ARID4B: variants seen among roughly 807,000 people sequenced by gnomAD.
ARID4B encodes AT-rich interactive domain-containing protein 4B.
ARID4B carries 26 observed loss-of-function variants against 147.5 expected under a neutral mutation model. That is an observed-to-expected ratio of 0.18 (90% CI 0.13 to 0.24). The LOEUF is 0.24. Ranked by LOEUF, ARID4B falls within the 10% of genes least tolerant of loss-of-function variation. The pLI, the probability that ARID4B is intolerant of heterozygous loss-of-function variation, is 1.00. For synonymous variants in ARID4B, 512 were observed against 507.9 expected, an observed-to-expected ratio of 1.01 and a Z score of -0.11; for missense variants, 1,179 against 1,511.5, an observed-to-expected ratio of 0.78 and a Z score of 3.65.
At chr1:235,246,710 G>GAA (rs200543707) in intron 6 of ARID4B, among the ~76,000 whole-genome samples, 199 bp from the exon 7 acceptor site, 1 of 150,732 alleles carries the variant, frequency 6.6e-6, no homozygotes, top group Non-Finnish European at 1.5e-5. Flanking sequence ...CTCATTACTG[G>GAA]AAAAAAAAAG....
At chr1:235,255,951 A>G (rs1669957016) in intron 4 of ARID4B, among the ~76,000 whole-genome samples, 1 of 152,028 alleles carries the variant, frequency 6.6e-6, no homozygotes. Flanking sequence ...AGGCAGGTGG[A>G]TCACTTGAGG....
At chr1:235,234,554 C>A in intron 8 of ARID4B, 62 bp from the exon 9 acceptor site, 6 of 1,128,576 alleles carry the variant, frequency 5.3e-6, no homozygotes, top group Non-Finnish European at 7.7e-6. Flanking sequence ...TAAGTACCCA[C>A]CATTTAAATC....
At chr1:235,267,381 T>A (rs1328520129) in intron 2 of ARID4B, among the ~76,000 whole-genome samples, 1 of 152,184 alleles carries the variant, frequency 6.6e-6, no homozygotes, top group Non-Finnish European at 1.5e-5. Context: ...TATATAGCAA[T>A]CCCAATGAAC....
chr1:235,232,049 A>C (rs1211195314), intron 9 of ARID4B, among the ~76,000 whole-genome samples: 1 of 152,056 alleles, frequency 6.6e-6, no homozygotes, highest in African/African-American at 2.4e-5. Flanking sequence ...GAAAAAACCC[A>C]GGGCAGGGTT....
At chr1:235,254,117 A>G (rs1026983826) in intron 5 of ARID4B, among the ~76,000 whole-genome samples, 4 of 152,172 alleles carry the variant, frequency 2.6e-5, no homozygotes, top group African/African-American at 7.2e-5. Flanking sequence ...GACTTCCTAC[A>G]TAGAATTGCT....
At chr1:235,222,172 A>G (rs542658741) in intron 13 of ARID4B, among the ~76,000 whole-genome samples, 23 of 152,144 alleles carry the variant, frequency 1.5e-4, no homozygotes, top group African/African-American at 4.8e-4. Flanking sequence ...TTAGCCTCCC[A>G]AAGTGCTGAG....
At chr1:235,218,827 G>A (rs980947431) in intron 16 of ARID4B, among the ~76,000 whole-genome samples, 6 of 148,546 alleles carry the variant, frequency 4.0e-5, no homozygotes, top group African/African-American at 5.0e-5. Flanking sequence ...TTCCCTGTTC[G>A]TCTGCATACT....
chr1:235,208,892 T>C (rs936609393), intron 17 of ARID4B, among the ~76,000 whole-genome samples: 17 of 152,228 alleles, frequency 1.1e-4, no homozygotes, highest in African/African-American at 3.9e-4. Context: ...TAAAAAATAA[T>C]TTATGAGCAT....
chr1:235,221,526 AAAAT>A (rs750648487), intron 14 of ARID4B, 35 bp downstream of exon 14: 1 of 1,203,252 alleles, frequency 8.3e-7, no homozygotes, highest in Admixed American at 2.0e-5. Flanking sequence ...TTTCTAGGTA[AAAAT>A]ACTGAAGATA....
intron 8 of ARID4B, among the ~76,000 whole-genome samples, chr1:235,235,039 T>A (rs546904972): frequency 1.3e-5 from 2 of 151,900 alleles, no homozygotes; most frequent in African/African-American, 2.4e-5. Context: ...ATCACCTGAG[T>A]GAGAGGTGGT....
In ARID4B at chr1:235,234,598, T is replaced by C. The variant is rs569603312; in HGVS notation, c.586-106A>G. On this transcript the variant is annotated intron_variant, in intron 8 of 23. Coordinates refer to ENST00000264183, the MANE Select transcript of ARID4B (RefSeq NM_016374.6). ...AAGTGTAAGCTTGAAGTTTAAAAAC[T>C]AATTTTAGTTTGAGGGTAAACAGGC... is the stretch of plus-strand genomic sequence containing the variant. The C allele has an allele frequency of 6.3e-4, 498 of 789,624 alleles. 2 individuals carry two copies. The highest frequency in any genetic ancestry group is 2.6e-4 in the Non-Finnish European group (130 of 500,126). 48.9% of individuals were successfully genotyped at this position (789,624 alleles called of 1,614,324 possible). A position where few individuals can be genotyped will look rare whatever the true frequency, so the allele number is the denominator to read the frequency against.
At chr1:235,193,988 A>G (rs1558187710) in intron 19 of ARID4B, 25 bp downstream of exon 19, 1 of 1,500,466 alleles carries the variant, frequency 6.7e-7, no homozygotes, top group Non-Finnish European at 9.2e-7. Context: ...AAATACTTGC[A>G]CAACAGAACG....
chr1:235,263,388 T>C (rs1284576658), intron 2 of ARID4B, among the ~76,000 whole-genome samples: 2 of 152,220 alleles, frequency 1.3e-5, no homozygotes, highest in East Asian at 3.8e-4. Context: ...CAGAAACCCA[T>C]TTGCGTATTC....
chr1:235,230,594 T>TTA (rs1491526188), intron 10 of ARID4B, among the ~76,000 whole-genome samples: 3 of 58,412 alleles, frequency 5.1e-5, no homozygotes, highest in African/African-American at 2.0e-4. Flanking sequence ...GACTATAAGC[T>TTA]AAAAAAAAAA....
At chr1:235,227,369 T>C (rs945689830) in intron 11 of ARID4B, among the ~76,000 whole-genome samples, 3 of 152,122 alleles carry the variant, frequency 2.0e-5, no homozygotes, top group Non-Finnish European at 4.4e-5. Context: ...GCAATTTAAA[T>C]AGAAAGCAGT....
At chr1:235,267,050 T>C (rs1046911843) in intron 2 of ARID4B, among the ~76,000 whole-genome samples, 1 of 152,162 alleles carries the variant, frequency 6.6e-6, no homozygotes, top group Non-Finnish European at 1.5e-5. Context: ...GCCCGAGGTG[T>C]GTAGATTGTT....
At chr1:235,218,434 G>A (rs1667235835) in intron 16 of ARID4B, among the ~76,000 whole-genome samples, 1 of 152,154 alleles carries the variant, frequency 6.6e-6, no homozygotes, top group African/African-American at 2.4e-5. Context: ...AACATCTGCA[G>A]ATTTAAAAAT....
At chr1:235,173,772 ATATATAT>A (rs1237298781) in intron 22 of ARID4B, among the ~76,000 whole-genome samples, 29 of 14,672 alleles carry the variant, frequency 2.0e-3, no homozygotes, top group African/African-American at 4.6e-3. Context: ...AAAAAAAAAA[ATATATAT>A]ATATATATAT....
At position 235,193,049 on chromosome 1, in the gene ARID4B, G is replaced by C. The variant is rs1405588185; in HGVS notation, c.2125+964C>G. ...TGGAGCTTGCAAGTGAGCTGAGATTGCGCCACTGCACTCCAGCCTGGGTGA... is the reference window on the plus strand; with the variant it reads ...TGGAGCTTGCAAGTGAGCTGAGATTCCGCCACTGCACTCCAGCCTGGGTGA... On this transcript the variant is annotated intron_variant, in intron 19 of 23. Transcript: ENST00000264183. Among the ~76,000 whole-genome samples, 3 of 151,630 alleles carry C rather than the reference G, an allele frequency of 2.0e-5. No individual in the cohort carries two copies. The East Asian group carries it at 5.8e-4, about 29-fold the overall frequency.
Sources: gnomAD v4.1 joint callset for allele counts (sites outside exome capture counted in the v4.1 genomes callset) on GRCh38, gnomAD v4.1.1 for gene constraint, MANE v1.5 for transcripts, NCBI Gene and HGNC (gene_info 2026-07-23, HGNC 2026-07-21) for gene names.